The following CPLANE1 variants were observed in gnomAD, a reference collection of about 807,000 sequenced individuals.
CPLANE1 encodes ciliogenesis and planar polarity effector complex subunit 1.
CPLANE1 carries 263 observed loss-of-function variants against 362.5 expected under a neutral mutation model. The observed-to-expected ratio is 0.73, with a 90% CI of 0.66 to 0.80. CPLANE1 has a LOEUF of 0.80. Among genes scored for constraint, CPLANE1 ranks in the 30% least tolerant of loss-of-function variants. CPLANE1 has a pLI of 0.00. For missense variants in CPLANE1, 3,461 were observed against 3,793.4 expected (o/e 0.91, Z 2.30); for synonymous variants, 1,212 against 1,302.6 (o/e 0.93, Z 1.50).
At chr5:37,151,667 A>G (rs1773599374) in intron 42 of CPLANE1, among the ~76,000 whole-genome samples, 1 of 152,210 alleles carries the variant, frequency 6.6e-6, no homozygotes, top group Non-Finnish European at 1.5e-5. Flanking sequence ...GCAATTTCAA[A>G]AGAGATTCTT....
At position 37,107,541 on chromosome 5, in the gene CPLANE1, C is replaced by A; in HGVS notation, c.*61G>T. On this transcript the variant is annotated 3_prime_UTR_variant, in exon 53 of 53. Coordinates refer to ENST00000651892, the MANE Select transcript of CPLANE1 (RefSeq NM_001384732.1). ...GCTTCTGTCCCTTAAACCTGTTAAT[C>A]TTTCAGAACCACATTACTGAGGTGC... 3 of 1,430,010 alleles carry A rather than the reference C, an allele frequency of 2.1e-6. No homozygotes were observed. Among genetic ancestry groups the A allele is most frequent in the Non-Finnish European group, 1.8e-6 (2 of 1,082,950 alleles). The allele number at this position is 1,430,010 out of a possible 1,614,324, so 88.6% of individuals were successfully genotyped here. A position where few individuals can be genotyped will look rare whatever the true frequency, so the allele number is the denominator to read the frequency against.
chr5:37,122,992 T>C (rs963549297), intron 47 of CPLANE1, among the ~76,000 whole-genome samples: 7 of 152,248 alleles, frequency 4.6e-5, no homozygotes, highest in African/African-American at 1.7e-4. Flanking sequence ...GAGAGAACCT[T>C]ATTTGGCTGC....
In CPLANE1 at chr5:37,167,201, G is replaced by T. The variant is rs763880761; in HGVS notation, c.7246C>A (p.Gln2416Lys). 6.8e-6 allele frequency: 11 copies of T among 1,608,452 alleles called. No homozygotes were observed. The highest frequency in any genetic ancestry group is 8.5e-6 in the Non-Finnish European group (10 of 1,178,832). Residue 2416 changes from glutamine (Q) to lysine (K), a missense_variant, in exon 35 of 53, where the codon CAA (glutamine) becomes AAA (lysine). Transcript: ENST00000651892. The stretch of plus-strand genomic sequence containing the variant: ...ATGAGGTTTTCAAGTGGGATAAGTT[G>T]TGTTTTTTTGCACTACAAGAAAGAA... The part of the protein sequence containing the change: ...LSPENRCKKT[Q>K]LIPLENLIAF...
At chr5:37,139,403 G>A in intron 44 of CPLANE1, 33 bp from the exon 45 acceptor site, 1 of 1,128,776 alleles carries the variant, frequency 8.9e-7, no homozygotes, top group Admixed American at 3.4e-5. Flanking sequence ...TAAAAATTTT[G>A]GGTTTTTTTT....
the CPLANE1 span, among the ~76,000 whole-genome samples, chr5:37,083,535 C>T: frequency 2.0e-5 from 3 of 151,996 alleles, no homozygotes; most frequent in African/African-American, 4.8e-5. Flanking sequence ...AAAAATGATA[C>T]AAGAAGTGAA....
intron 21 of CPLANE1, among the ~76,000 whole-genome samples, chr5:37,190,473 G>A (rs986773427): frequency 1.3e-5 from 2 of 151,840 alleles, no homozygotes; most frequent in Non-Finnish European, 2.9e-5. Flanking sequence ...AGCTACTCAG[G>A]AGGCTGAGGT....
chr5:37,082,093 CA>C, the CPLANE1 span, among the ~76,000 whole-genome samples: 3,153 of 92,394 alleles, frequency 0.034, 80 homozygotes, highest in African/African-American at 0.087. Flanking sequence ...AACTCCGTAT[CA>C]AAAAAAAAAA....
chr5:37,136,727 T>C (rs768448944), intron 46 of CPLANE1, among the ~76,000 whole-genome samples: 1 of 152,244 alleles, frequency 6.6e-6, no homozygotes, highest in Non-Finnish European at 1.5e-5. Flanking sequence ...TCTTGACTTC[T>C]ATTCACCCAC....
intron 16 of CPLANE1, among the ~76,000 whole-genome samples, chr5:37,208,578 G>A (rs1791526962): frequency 6.6e-6 from 1 of 152,008 alleles, no homozygotes; most frequent in African/African-American, 2.4e-5. Context: ...TCAGGAGGCT[G>A]AGGCAGGAGA....
Position 37,198,803 on chromosome 5 carries a change from G to A in CPLANE1, c.3571C>T (p.Leu1191Phe). Reference protein sequence around the residue: ...KNNRQKVSGILQRVLLLFRAA... With the variant: ...KNNRQKVSGIFQRVLLLFRAA... ...CGGAAAAGCAGGAGAACACGCTGAA[G>A]GATTCCAGATACCTTCTGGCGATTA... The change falls in exon 20 of 53, where the codon CTT becomes TTT. Residue 1191 changes from leucine (L) to phenylalanine (F), a missense_variant. Physicochemically the swap from Leu to Phe is conservative, Grantham distance 22 (BLOSUM62 0). This residue lies in a region of CPLANE1 where 3,380 missense variants were observed against 3,666.1 expected (regional missense o/e 0.92). Transcript: ENST00000651892. The A allele has an allele frequency of 6.2e-7, 1 of 1,613,996 alleles. No homozygotes were observed. Among genetic ancestry groups the A allele is most frequent in the Non-Finnish European group, 8.5e-7 (1 of 1,179,992 alleles).
intron 2 of CPLANE1, chr5:37,246,405 TC>T (rs1046260353): frequency 6.6e-6 from 1 of 152,098 alleles, no homozygotes; most frequent in Admixed American, 6.6e-5. Context: ...AGCCCAGAAC[TC>T]CTGGGCTCAA....
In CPLANE1 at chr5:37,209,294, C is replaced by T; in HGVS notation, c.2921-2869G>A. ...ATTCCCCCTCGTCTTGGCCCTACAG[C>T]CCCAGCTGGGCACTAAACTCGGGCC... On this transcript the variant is annotated intron_variant, in intron 16 of 52. Coordinates refer to ENST00000651892, the MANE Select transcript of CPLANE1 (RefSeq NM_001384732.1). The surrounding 1 kb of genome is among the most constrained non-coding windows in gnomAD (Gnocchi z 4.6). 2 of 755,076 alleles carry T rather than the reference C, an allele frequency of 2.6e-6. No individual in the cohort carries two copies. The highest frequency in any genetic ancestry group is 3.5e-5 in the Admixed American group (2 of 57,532). The allele number at this position is 755,076 out of a possible 1,614,324, so 46.8% of individuals were successfully genotyped here. A position where few individuals can be genotyped will look rare whatever the true frequency, so the allele number is the denominator to read the frequency against.
intron 19 of CPLANE1, among the ~76,000 whole-genome samples, chr5:37,199,410 G>T (rs1788524383): frequency 6.6e-6 from 1 of 152,144 alleles, no homozygotes; most frequent in East Asian, 1.9e-4. Context: ...ATATTTCAAT[G>T]TTACTTCCTC....
chr5:37,108,407 AG>A lies in CPLANE1; in HGVS notation c.9464del (p.Pro3155LeufsTer8). The stretch of plus-strand genomic sequence containing the variant: ...ACTCTACACACACCTGCTTGGTTTG[AG>A]GTGCAAGCCCAGCACTTCCATGTTT... ...TKKHGSAGLA[P>X]QTKQVCVEYE... On this transcript the variant is annotated frameshift_variant, in exon 52 of 53. Coordinates refer to ENST00000651892, the MANE Select transcript of CPLANE1 (RefSeq NM_001384732.1). LOFTEE classifies it high-confidence loss of function. The A allele has an allele frequency of 6.2e-7, 1 of 1,614,144 alleles. No individual in the cohort carries two copies. Among genetic ancestry groups the A allele is most frequent in the Non-Finnish European group, 8.5e-7 (1 of 1,179,990 alleles).
At chr5:37,127,405 T>C (rs1018727518) in intron 46 of CPLANE1, among the ~76,000 whole-genome samples, 24 of 152,170 alleles carry the variant, frequency 1.6e-4, no homozygotes, top group African/African-American at 5.6e-4. Context: ...CAAAATCCCA[T>C]CTGCTTTGCA....
intron 4 of CPLANE1, among the ~76,000 whole-genome samples, chr5:37,244,833 T>G (rs991851962): frequency 6.6e-6 from 1 of 151,516 alleles, no homozygotes; most frequent in African/African-American, 2.4e-5. Flanking sequence ...GCCCAAAAGG[T>G]CAAAGCTGCA....
intron 8 of CPLANE1, among the ~76,000 whole-genome samples, chr5:37,235,567 C>CTTTTTTTTTTTTT: frequency 1.1e-5 from 1 of 93,360 alleles, no homozygotes; most frequent in Non-Finnish European, 2.0e-5. Context: ...TATCTAATTT[C>CTTTTTTTTTTTTT]TTTTTTTTTT....
In CPLANE1 at chr5:37,213,682, C is replaced by T; in HGVS notation, c.2797G>A (p.Glu933Lys). The change falls in exon 16 of 53, where the codon GAG becomes AAG. Residue 933 changes from glutamate (E) to lysine (K), a missense_variant. By Grantham distance (56) the Glu-to-Lys change is moderately conservative. Transcript: ENST00000651892. ...GACTGGACGACTCTCACTGCTGCCT[C>T]AGGATGAACACCGCCCACCATTCCA... is the stretch of plus-strand genomic sequence containing the variant. ...ECGMVGGVHP[E>K]AAVRVVQSMA... is the part of the protein sequence containing the mutation. 6.5e-7 allele frequency: 1 copy of T among 1,541,570 alleles called. No homozygotes were observed. Among genetic ancestry groups the T allele is most frequent in the Non-Finnish European group, 8.8e-7 (1 of 1,140,596 alleles).
Position 37,196,868 on chromosome 5 carries a change from T to C in CPLANE1, c.3673-872A>G, listed in dbSNP as rs577223341. ...TAAACCCGGGAGCCGGAGGTTGCGG[T>C]GAGCCGAGACCATGCCACTGCACCC... On this transcript the variant is annotated intron_variant, in intron 20 of 52. Transcript: ENST00000651892. 9.7e-4 allele frequency among the ~76,000 whole-genome samples: 147 copies of C among 151,524 alleles called. 1 individual carries two copies. The highest frequency in any genetic ancestry group is 1.9e-3 in the Non-Finnish European group (127 of 67,928).
Sources: gnomAD v4.1 joint callset for allele counts (sites outside exome capture counted in the v4.1 genomes callset) on GRCh38, gnomAD v4.1.1 for gene constraint, gnomAD v4.1.1 regional missense constraint, Gnocchi (gnomAD v3.1) non-coding constraint, MANE v1.5 for transcripts, NCBI Gene and HGNC (gene_info 2026-07-23, HGNC 2026-07-21) for gene names.